COL4A6: variants seen among roughly 807,000 people sequenced by gnomAD.
COL4A6 encodes the protein collagen alpha-6(IV) chain.
COL4A6 carries 59 observed loss-of-function variants against 126.7 expected under a neutral mutation model. The ratio of observed to expected loss-of-function variants is 0.47; its 90% CI spans 0.38 to 0.58. The LOEUF (loss-of-function observed/expected upper bound fraction) is 0.58, where lower values mean the gene tolerates loss of function less well. COL4A6 is among the 20% of genes least tolerant of loss of function. The pLI, the probability that COL4A6 is intolerant of heterozygous loss-of-function variation, is 0.00. For missense variants in COL4A6, 1,285 were observed against 1,337.3 expected, an observed-to-expected ratio of 0.96 and a Z score of 0.61; for synonymous variants, 547 against 496.6, an observed-to-expected ratio of 1.10 and a Z score of -1.35.
chrX:108,204,221 C>G (rs2035476590), intron 12 of COL4A6, 99 bp downstream of exon 12: 1 of 635,459 alleles, frequency 1.6e-6, no homozygotes, highest in Non-Finnish European at 2.3e-6. Flanking sequence ...CCAGAACCCT[C>G]TATTCTTCCA....
chrX:108,235,027 C>T (rs933156899), intron 3 of COL4A6, among the ~76,000 whole-genome samples: 3 of 111,148 alleles, frequency 2.7e-5, no homozygotes, highest in Non-Finnish European at 3.8e-5. Context: ...AGAGCTCCCC[C>T]GACACTAGAG....
chrX:108,180,833 T>C, intron 24 of COL4A6, 64 bp downstream of exon 24: 1 of 1,076,325 alleles, frequency 9.3e-7, no homozygotes, highest in Non-Finnish European at 1.3e-6. Context: ...GGCTATCCTC[T>C]GCTTCCTTTG....
At chrX:108,168,016 C>T (rs1255887858) in intron 37 of COL4A6, among the ~76,000 whole-genome samples, 4 of 111,516 alleles carry the variant, frequency 3.6e-5, no homozygotes, top group Non-Finnish European at 7.5e-5. Context: ...TGGTTGGTTT[C>T]GCTTATTTTT....
chrX:108,438,206 T>G lies in COL4A6; in HGVS notation c.-10A>C. 1 of 1,189,994 alleles carries G rather than the reference T, an allele frequency of 8.4e-7. No individual in the cohort carries two copies. Among genetic ancestry groups the G allele is most frequent in the South Asian group, 1.9e-5 (1 of 51,589 alleles). ...CTCACCCAGGGTGCATGCTTGCGGC[T>G]CCTCCGGAGCTGGGTCCCGGGAGAC... On this transcript the variant is annotated 5_prime_UTR_variant, in exon 1 of 45. Transcript: ENST00000334504.
intron 2 of COL4A6, among the ~76,000 whole-genome samples, chrX:108,396,646 G>T (rs2040970502): frequency 9.0e-6 from 1 of 111,555 alleles, no homozygotes; most frequent in Admixed American, 9.6e-5. Flanking sequence ...CATTCCACAG[G>T]CTGTTGGGGA....
intron 13 of COL4A6, among the ~76,000 whole-genome samples, chrX:108,200,331 C>T (rs1353097292): frequency 8.9e-6 from 1 of 112,172 alleles, no homozygotes; most frequent in Non-Finnish European, 1.9e-5. Flanking sequence ...TTTCATACTA[C>T]GTTTTTGAGA....
At chrX:108,390,756 C>G (rs1032077937) in intron 2 of COL4A6, among the ~76,000 whole-genome samples, 1 of 110,648 alleles carries the variant, frequency 9.0e-6, no homozygotes, top group African/African-American at 3.3e-5. Flanking sequence ...CATTCTCCAT[C>G]CAGTTTTGTT....
At chrX:108,419,799 C>A (rs1232908624) in intron 2 of COL4A6, among the ~76,000 whole-genome samples, 1 of 111,591 alleles carries the variant, frequency 9.0e-6, no homozygotes. Context: ...TTTATTGAAA[C>A]AAAATTGTTC....
intron 3 of COL4A6, among the ~76,000 whole-genome samples, chrX:108,236,255 G>A (rs998848375): frequency 5.4e-5 from 6 of 111,327 alleles, no homozygotes; most frequent in Non-Finnish European, 1.1e-4. Flanking sequence ...CACATCCCTT[G>A]ACTTGCAGAC....
At chrX:108,351,948 A>G (rs1409324625) in intron 2 of COL4A6, among the ~76,000 whole-genome samples, 1 of 112,107 alleles carries the variant, frequency 8.9e-6, no homozygotes, top group East Asian at 2.8e-4. Flanking sequence ...CTGCCAGGGA[A>G]CATACTGGCA....
At chrX:108,201,276 C>A (rs999114500) in intron 13 of COL4A6, among the ~76,000 whole-genome samples, 1 of 111,811 alleles carries the variant, frequency 8.9e-6, no homozygotes, top group African/African-American at 3.3e-5. Flanking sequence ...TTGATTCATC[C>A]ATTTCCCACC....
intron 28 of COL4A6, among the ~76,000 whole-genome samples, chrX:108,176,186 G>A (rs1044800074): frequency 3.7e-5 from 4 of 109,468 alleles, no homozygotes; most frequent in East Asian, 2.9e-4. Context: ...TTAGCTGGGC[G>A]TGGTAGCGGG....
intron 17 of COL4A6, 139 bp downstream of exon 17, chrX:108,193,489 A>G (rs1056579232): frequency 8.0e-6 from 4 of 498,371 alleles, no homozygotes; most frequent in Admixed American, 3.5e-5. Context: ...CCCCAAGCTC[A>G]GGAGCCATGA....
intron 17 of COL4A6, among the ~76,000 whole-genome samples, chrX:108,193,180 T>C (rs2035103529): frequency 8.9e-6 from 1 of 111,936 alleles, no homozygotes; most frequent in South Asian, 3.7e-4. Flanking sequence ...AGCATCACAC[T>C]CTTGAGGGCT....
intron 2 of COL4A6, among the ~76,000 whole-genome samples, chrX:108,365,351 T>C (rs2040176072): frequency 1.8e-5 from 2 of 111,963 alleles, no homozygotes; most frequent in Non-Finnish European, 3.8e-5. Context: ...GAAGGATAGA[T>C]GAAAGGAAGG....
At chrX:108,307,495 A>G (rs1397417540) in intron 3 of COL4A6, among the ~76,000 whole-genome samples, 2 of 112,308 alleles carry the variant, frequency 1.8e-5, no homozygotes, top group Non-Finnish European at 3.8e-5. Context: ...AAAGGGTTGG[A>G]TTGCAGTTTT....
At chrX:108,420,713 GA>G (rs1569462561) in intron 2 of COL4A6, among the ~76,000 whole-genome samples, 2 of 111,985 alleles carry the variant, frequency 1.8e-5, no homozygotes, top group Non-Finnish European at 1.9e-5. Context: ...AGCCTCAGGG[GA>G]CTGGTATAAA....
At chrX:108,374,142 T>C (rs1277556095) in intron 2 of COL4A6, among the ~76,000 whole-genome samples, 1 of 112,067 alleles carries the variant, frequency 8.9e-6, no homozygotes, top group Non-Finnish European at 1.9e-5. Context: ...AGTGGGAAAA[T>C]ATTTTAAGCA....
chrX:108,159,456 C>G lies in COL4A6; in HGVS notation c.4812+6G>C. On this transcript the variant is annotated splice_donor_region_variant and intron_variant, in intron 44 of 44. Transcript: ENST00000334504. ...AACTGGGGGAGGAGACAGTGCAGGACCTTACCATGAGGAAAGAGTACCCAA... is the reference window on the plus strand; with the variant it reads ...AACTGGGGGAGGAGACAGTGCAGGAGCTTACCATGAGGAAAGAGTACCCAA... The G allele has an allele frequency of 8.3e-7, 1 of 1,211,754 alleles. No individual in the cohort carries two copies. Among genetic ancestry groups the G allele is most frequent in the African/African-American group, 1.7e-5 (1 of 57,897 alleles).
Sources: allele counts gnomAD v4.1 joint callset (sites outside exome capture counted in the v4.1 genomes callset), GRCh38; gene constraint gnomAD v4.1.1; transcripts MANE v1.5; gene names NCBI Gene and HGNC (gene_info 2026-07-23, HGNC 2026-07-21).